NEDD4L: variants seen among roughly 807,000 people sequenced by gnomAD.
NEDD4L encodes the protein NEDD4 like E3 ubiquitin protein ligase.
A neutral mutation model predicts 148.9 loss-of-function variants in NEDD4L; 54 were observed. The observed-to-expected ratio is 0.36, with a 90% CI of 0.29 to 0.45. NEDD4L has a LOEUF of 0.45. Among genes scored for constraint, NEDD4L ranks in the 20% least tolerant of loss-of-function variants. The pLI is 1.00. For synonymous variants in NEDD4L, 433 were observed against 440.7 expected (o/e 0.98, Z 0.22); for missense variants, 856 against 1,233.8 (o/e 0.69, Z 4.59).
chr18:58,390,981 T>C (rs2049752639), intron 29 of NEDD4L, among the ~76,000 whole-genome samples: 2 of 151,702 alleles, frequency 1.3e-5, no homozygotes, highest in African/African-American at 4.9e-5. Context: ...ATAAGGCTGC[T>C]CTTTTTTTTT....
chr18:58,392,644 A>G (rs1370800272), intron 30 of NEDD4L, among the ~76,000 whole-genome samples: 2 of 152,172 alleles, frequency 1.3e-5, no homozygotes, highest in African/African-American at 4.8e-5. Flanking sequence ...AAATTCATGA[A>G]TATTCAGAGC....
chr18:58,059,076 T>C (rs1274554532), intron 1 of NEDD4L, among the ~76,000 whole-genome samples: 1 of 152,212 alleles, frequency 6.6e-6, no homozygotes, highest in Admixed American at 6.5e-5. Flanking sequence ...TATAGATTAC[T>C]CCTCCTATTT....
chr18:58,207,067 C>T lies in NEDD4L; in HGVS notation c.123-38360C>T, dbSNP rs528735437. On this transcript the variant is annotated intron_variant, in intron 2 of 30. Coordinates refer to ENST00000400345, the MANE Select transcript of NEDD4L (RefSeq NM_001144967.3). Reference sequence around the variant, plus strand: ...TCTTTTCTCTTTAAGCTTTAGCATACGGTTGTTTGCCAAGAATGGAATCAG... The same window carrying T: ...TCTTTTCTCTTTAAGCTTTAGCATATGGTTGTTTGCCAAGAATGGAATCAG... Among the ~76,000 whole-genome samples, 6 of 152,224 alleles carry T rather than the reference C, an allele frequency of 3.9e-5. No individual in the cohort carries two copies. The East Asian group carries it at 9.6e-4, about 24-fold the overall frequency.
intron 18 of NEDD4L, among the ~76,000 whole-genome samples, chr18:58,353,168 T>C (rs963252707): frequency 6.6e-6 from 1 of 152,192 alleles, no homozygotes; most frequent in Admixed American, 6.5e-5. Flanking sequence ...CTAGCGCAAC[T>C]CCGGCTTACT....
intron 1 of NEDD4L, among the ~76,000 whole-genome samples, chr18:58,069,329 C>T (rs1271264966): frequency 1.3e-5 from 2 of 152,078 alleles, no homozygotes; most frequent in Non-Finnish European, 2.9e-5. Context: ...AGCTGAGCTC[C>T]ACCAGTGTTA....
At chr18:58,065,792 A>G (rs193128160) in intron 1 of NEDD4L, among the ~76,000 whole-genome samples, 1 of 152,320 alleles carries the variant, frequency 6.6e-6, no homozygotes, top group East Asian at 1.9e-4. Flanking sequence ...GTTGGCTTTG[A>G]ACCTTTTCTA....
At chr18:58,341,548 T>C (rs986812726) in intron 14 of NEDD4L, 130 bp from the exon 15 acceptor site, 1 of 956,132 alleles carries the variant, frequency 1.0e-6, no homozygotes, top group African/African-American at 1.7e-5. Context: ...TGTTTAATTA[T>C]TTCCTCCACG....
chr18:58,369,870 C>G (rs1315312134), intron 22 of NEDD4L, among the ~76,000 whole-genome samples: 3 of 152,208 alleles, frequency 2.0e-5, no homozygotes, highest in East Asian at 3.8e-4. Context: ...CCAGCCTGTC[C>G]CCTTCCTGTG....
chr18:58,395,422 TCACAGAAG>T (rs1362959601), intron 30 of NEDD4L, among the ~76,000 whole-genome samples: 2 of 152,334 alleles, frequency 1.3e-5, no homozygotes, highest in African/African-American at 4.8e-5. Context: ...TTTCCCCATG[TCACAGAAG>T]CACAGAGGCC....
At chr18:58,255,961 C>A in intron 5 of NEDD4L, 1 of 1,231,102 alleles carries the variant, frequency 8.1e-7, no homozygotes. Context: ...CGGACGGGTG[C>A]GGGCCGCCCG....
At chr18:58,143,309 T>A (rs905308134) in intron 1 of NEDD4L, among the ~76,000 whole-genome samples, 34 of 152,206 alleles carry the variant, frequency 2.2e-4, no homozygotes, top group Non-Finnish European at 8.8e-5. Context: ...CAGCATGACA[T>A]TGGAATCCAC....
In NEDD4L at chr18:58,208,502, G is replaced by A. The variant is rs961041846; in HGVS notation, c.123-36925G>A. Among the ~76,000 whole-genome samples, 16 of 152,212 alleles carry A rather than the reference G, an allele frequency of 1.1e-4. 1 individual carries two copies. Among genetic ancestry groups the A allele is most frequent in the Non-Finnish European group, 2.9e-5 (2 of 68,036 alleles). On this transcript the variant is annotated intron_variant, in intron 2 of 30. Coordinates refer to ENST00000400345, the MANE Select transcript of NEDD4L (RefSeq NM_001144967.3). ...TAAATGAATGTGATTTTATTCGAGT[G>A]TCATTTTCAAGTTCCCCAGGCCAGG... is the stretch of plus-strand genomic sequence containing the variant.
intron 5 of NEDD4L, among the ~76,000 whole-genome samples, chr18:58,291,580 A>G (rs894877513): frequency 9.2e-5 from 14 of 152,126 alleles, no homozygotes; most frequent in Admixed American, 3.9e-4. Context: ...CATTGTACCA[A>G]TTGCCTGGCA....
chr18:58,221,657 G>A, intron 2 of NEDD4L: 1 of 985,452 alleles, frequency 1.0e-6, no homozygotes, highest in Middle Eastern at 5.2e-4. Context: ...AGGAAGACGA[G>A]GCCAGGGAGC....
At chr18:58,327,246 C>T (rs1033777601) in intron 9 of NEDD4L, among the ~76,000 whole-genome samples, 6 of 152,268 alleles carry the variant, frequency 3.9e-5, no homozygotes, top group Admixed American at 2.0e-4. Flanking sequence ...TACAGGCGCC[C>T]GCCGCCATGC....
At chr18:58,123,892 C>T (rs1339456986) in intron 1 of NEDD4L, among the ~76,000 whole-genome samples, 2 of 152,306 alleles carry the variant, frequency 1.3e-5, no homozygotes, top group East Asian at 3.9e-4. Context: ...TCCTGCTTCC[C>T]AAGGATGTCA....
At chr18:58,189,457 C>T (rs1406550393) in intron 2 of NEDD4L, among the ~76,000 whole-genome samples, 6 of 152,146 alleles carry the variant, frequency 3.9e-5, no homozygotes, top group East Asian at 3.9e-4. Context: ...TTTCCTTGGG[C>T]GTATTTAACC....
intron 5 of NEDD4L, among the ~76,000 whole-genome samples, chr18:58,265,178 T>C (rs1407657687): frequency 6.6e-6 from 1 of 152,002 alleles, no homozygotes; most frequent in East Asian, 1.9e-4. Context: ...GGGGCCTCAT[T>C]GAAAGACTGA....
At chr18:58,394,285 A>C (rs1444838985) in intron 30 of NEDD4L, among the ~76,000 whole-genome samples, 1 of 152,222 alleles carries the variant, frequency 6.6e-6, no homozygotes, top group Non-Finnish European at 1.5e-5. Flanking sequence ...TACAGATAAC[A>C]CTGGGATGCA....
Sources: gnomAD v4.1 joint callset for allele counts (sites outside exome capture counted in the v4.1 genomes callset) on GRCh38, gnomAD v4.1.1 for gene constraint, MANE v1.5 for transcripts, NCBI Gene and HGNC (gene_info 2026-07-23, HGNC 2026-07-21) for gene names.